Variants in OSCP1 observed in about 807,000 individuals in gnomAD.
OSCP1 encodes protein OSCP1.
OSCP1 carries 35 observed loss-of-function variants against 45.1 expected under a neutral mutation model. The ratio of observed to expected loss-of-function variants is 0.78; its 90% confidence interval spans 0.59 to 1.03. OSCP1 has a LOEUF of 1.03. OSCP1 is among the 50% of genes least tolerant of loss of function. The probability of loss-of-function intolerance (pLI) is 0.00; values close to 1 mark genes in which losing one functional copy is unlikely to be tolerated. For synonymous variants in OSCP1, 179 were observed against 180.1 expected, an observed-to-expected ratio of 0.99 and a Z score of 0.05; for missense variants, 400 against 470.7, an observed-to-expected ratio of 0.85 and a Z score of 1.39.
intron 4 of OSCP1, among the ~76,000 whole-genome samples, chr1:36,429,515 T>C (rs929737957): frequency 1.4e-5 from 2 of 147,948 alleles, no homozygotes; most frequent in Middle Eastern, 7.2e-3. Flanking sequence ...AGAGACACAT[T>C]CAAAATTCAG....
rs71053930 is a variant in OSCP1, at chr1:36,428,189, CAAAAAAAAAAA to C, written c.516+3602_516+3612del. On this transcript the variant is annotated intron_variant, in intron 4 of 9. Coordinates refer to ENST00000235532, the MANE Select transcript of OSCP1 (RefSeq NM_145047.5). ...TGGGCGACAGAGCCAGACTGCATCT[CAAAAAAAAAAA>C]AAAAAAAAAAGAAAGAAAAATTTGG... 1.4e-4 allele frequency: 116 copies of C among 847,142 alleles called. No individual in the cohort carries two copies. The African/African-American group carries it at 2.8e-3, about 20-fold the overall frequency. The allele number at this position is 847,142 out of a possible 1,614,324, so 52.5% of individuals were successfully genotyped here.
At chr1:36,445,306 C>A (rs1398533398) in intron 1 of OSCP1, among the ~76,000 whole-genome samples, 2 of 150,236 alleles carry the variant, frequency 1.3e-5, no homozygotes, top group East Asian at 3.8e-4. Flanking sequence ...GTGGAGACTA[C>A]GCCACTGGGC....
At chr1:36,450,202 TGA>T in intron 1 of OSCP1, 54 bp downstream of exon 1, 2 of 1,442,242 alleles carry the variant, frequency 1.4e-6, no homozygotes, top group Non-Finnish European at 1.9e-6. Flanking sequence ...AGGGCGATGA[TGA>T]GAGGGCCGGG....
chr1:36,444,841 A>G (rs1649417693), intron 1 of OSCP1, among the ~76,000 whole-genome samples: 1 of 152,220 alleles, frequency 6.6e-6, no homozygotes, highest in Non-Finnish European at 1.5e-5. Flanking sequence ...GGATCATAAT[A>G]GCACCTATCT....
chr1:36,418,350 GAT>G (rs1647400094), intron 9 of OSCP1, 95 bp from the exon 10 acceptor site: 1 of 1,010,986 alleles, frequency 9.9e-7, no homozygotes, highest in Admixed American at 1.9e-5. Flanking sequence ...TCCCATGACT[GAT>G]ATGTTTCAGT....
intron 1 of OSCP1, among the ~76,000 whole-genome samples, chr1:36,446,684 T>TA (rs148089055): frequency 0.083 from 12,681 of 152,312 alleles, 578 homozygotes; most frequent in Middle Eastern, 0.16. Context: ...AGCTAGTCGT[T>TA]AAACTGGAAC....
At chr1:36,425,935 G>T (rs186774200) in intron 4 of OSCP1, among the ~76,000 whole-genome samples, 1 of 152,240 alleles carries the variant, frequency 6.6e-6, no homozygotes, top group Non-Finnish European at 1.5e-5. Flanking sequence ...CGGGAGTCTG[G>T]GGGGAGGCAG....
At chr1:36,428,839 G>T (rs1648153884) in intron 4 of OSCP1, among the ~76,000 whole-genome samples, 1 of 152,068 alleles carries the variant, frequency 6.6e-6, no homozygotes, top group Non-Finnish European at 1.5e-5. Context: ...CAGCTGTTTG[G>T]GAGGCTGAGG....
chr1:36,435,091 C>CTTTTTTTTTTTTTTT (rs201268337), intron 2 of OSCP1, among the ~76,000 whole-genome samples: 10 of 125,774 alleles, frequency 8.0e-5, no homozygotes, highest in Non-Finnish European at 1.2e-4. Context: ...TTTTCTTTTT[C>CTTTTTTTTTTTTTTT]TTTTTTTTTT....
intron 9 of OSCP1, 66 bp from the exon 10 acceptor site, chr1:36,418,321 C>T: frequency 6.9e-7 from 1 of 1,439,362 alleles, no homozygotes; most frequent in Non-Finnish European, 9.7e-7. Flanking sequence ...TCTTTGTGCA[C>T]TAGGCACTTA....
chr1:36,428,555 A>G, intron 4 of OSCP1: 1 of 1,460,332 alleles, frequency 6.8e-7, no homozygotes, highest in Non-Finnish European at 9.1e-7. Context: ...TATAATTTTC[A>G]TTTTTCAGAT....
intron 6 of OSCP1, 66 bp from the exon 7 acceptor site, chr1:36,422,285 A>T: frequency 7.0e-7 from 1 of 1,424,612 alleles, no homozygotes. Context: ...TCTAACTCGT[A>T]AGCATAGTTT....
chr1:36,429,913 C>T (rs866153335), intron 4 of OSCP1, among the ~76,000 whole-genome samples: 3 of 151,276 alleles, frequency 2.0e-5, no homozygotes, highest in Admixed American at 6.6e-5. Context: ...CAGGTTCACG[C>T]GATTCTCCTG....
chr1:36,441,946 G>T (rs1394903156), intron 1 of OSCP1, among the ~76,000 whole-genome samples: 1 of 151,784 alleles, frequency 6.6e-6, no homozygotes, highest in South Asian at 2.1e-4. Context: ...GGCTAAGGGG[G>T]GCCGGGCGCA....
At chr1:36,420,431 C>G in intron 8 of OSCP1, 45 bp downstream of exon 8, 1 of 1,581,594 alleles carries the variant, frequency 6.3e-7, no homozygotes, top group Non-Finnish European at 8.6e-7. Context: ...TCTTGTCATG[C>G]TTGGGATTTT....
At position 36,418,127 on chromosome 1, in the gene OSCP1, T is replaced by A; in HGVS notation, c.*12A>T. 2.5e-6 allele frequency: 4 copies of A among 1,612,756 alleles called. No individual in the cohort carries two copies. Among genetic ancestry groups the A allele is most frequent in the Non-Finnish European group, 3.4e-6 (4 of 1,178,942 alleles). On this transcript the variant is annotated 3_prime_UTR_variant, in exon 10 of 10. Coordinates refer to ENST00000235532, the MANE Select transcript of OSCP1 (RefSeq NM_145047.5). The stretch of plus-strand genomic sequence containing the variant: ...CCTCTCCCTGGGGGCAGAGGACGCC[T>A]GGTCAGAACAGCTATAACTCATCCA...
At chr1:36,427,728 C>T (rs972209067) in intron 4 of OSCP1, among the ~76,000 whole-genome samples, 12 of 152,090 alleles carry the variant, frequency 7.9e-5, no homozygotes, top group African/African-American at 2.9e-4. Context: ...GCCCTGATAA[C>T]AATATGATAC....
At chr1:36,432,164 T>C (rs969424100) in intron 3 of OSCP1, among the ~76,000 whole-genome samples, 2 of 152,214 alleles carry the variant, frequency 1.3e-5, no homozygotes, top group South Asian at 2.1e-4. Flanking sequence ...ACCAAGTCCC[T>C]TTCCGAAAAG....
At chr1:36,440,390 C>T (rs781178510) in intron 1 of OSCP1, among the ~76,000 whole-genome samples, 15 of 152,182 alleles carry the variant, frequency 9.9e-5, no homozygotes, top group Non-Finnish European at 2.1e-4. Flanking sequence ...ACATCCCCAA[C>T]ACACACACCC....
Sources: allele counts gnomAD v4.1 joint callset (sites outside exome capture counted in the v4.1 genomes callset), GRCh38; gene constraint gnomAD v4.1.1; transcripts MANE v1.5; gene names NCBI Gene and HGNC (gene_info 2026-07-23, HGNC 2026-07-21).